The following COL25A1 variants were observed in gnomAD, a reference collection of about 807,000 sequenced individuals.
COL25A1 encodes the protein collagen alpha-1(XXV) chain.
COL25A1 carries 103 observed loss-of-function variants against 128.4 expected under a neutral mutation model. The ratio of observed to expected loss-of-function variants is 0.80; its 90% CI spans 0.68 to 0.94. The LOEUF is 0.94. Among genes scored for constraint, COL25A1 ranks in the 40% least tolerant of loss-of-function variants. The pLI is 0.00. For synonymous variants in COL25A1, 279 were observed against 277.2 expected, an observed-to-expected ratio of 1.01 and a Z score of -0.06; for missense variants, 745 against 840.0, an observed-to-expected ratio of 0.89 and a Z score of 1.40.
intron 3 of COL25A1, among the ~76,000 whole-genome samples, chr4:109,158,841 T>C (rs942740772): frequency 6.6e-6 from 1 of 152,246 alleles, no homozygotes; most frequent in Non-Finnish European, 1.5e-5. Context: ...AACACTTTCC[T>C]TGTAACACCT....
chr4:108,948,071 T>C (rs1748988270), intron 8 of COL25A1, among the ~76,000 whole-genome samples: 1 of 152,130 alleles, frequency 6.6e-6, no homozygotes, highest in African/African-American at 2.4e-5. Flanking sequence ...TCCTCAAAGT[T>C]GATAAAAATA....
intron 3 of COL25A1, among the ~76,000 whole-genome samples, chr4:109,106,328 C>T (rs184960424): frequency 1.3e-5 from 2 of 152,234 alleles, no homozygotes; most frequent in African/African-American, 4.8e-5. Context: ...AACTTTCCCA[C>T]CAACTACACT....
intron 3 of COL25A1, among the ~76,000 whole-genome samples, chr4:109,260,505 T>G (rs552726785): frequency 2.7e-5 from 4 of 150,504 alleles, no homozygotes; most frequent in East Asian, 3.9e-4. Context: ...TTTTTGTTTG[T>G]TTTTTTTTGA....
rs995545462 is a variant in COL25A1 at position 109,083,462 on chromosome 4, T to A, written c.368-33283A>T. Among the ~76,000 whole-genome samples the A allele has an allele frequency of 6.1e-4, 76 of 124,146 alleles. 2 individuals carry two copies. Among genetic ancestry groups the A allele is most frequent in the African/African-American group, 2.2e-3 (73 of 33,560 alleles). The allele number at this position is 124,146 out of a possible 152,430, so 81.4% of individuals were successfully genotyped here. ...ACACTAAATAAATTTTTTTTTTTTT[T>A]TTTTTTTTTTTTTTTTTTGAGACGG... is the stretch of plus-strand genomic sequence containing the variant. On this transcript the variant is annotated intron_variant, in intron 3 of 37. Coordinates refer to ENST00000399132, the MANE Select transcript of COL25A1 (RefSeq NM_198721.4).
Position 109,249,550 on chromosome 4 carries a change from A to T in COL25A1, c.367+51033T>A, listed in dbSNP as rs115713645. ...TTTTATGTGTCAGTATAATACAGTA[A>T]ATAATCATAATTCCACGTCAATAAG... On this transcript the variant is annotated intron_variant, in intron 3 of 37. Coordinates refer to ENST00000399132, the MANE Select transcript of COL25A1 (RefSeq NM_198721.4). Among the ~76,000 whole-genome samples the T allele has an allele frequency of 4.3e-3, 652 of 152,272 alleles. 3 individuals are homozygous for T. Among genetic ancestry groups the T allele is most frequent in the Non-Finnish European group, 6.1e-3 (415 of 68,018 alleles).
chr4:109,127,776 G>A (rs1310584520), intron 3 of COL25A1, among the ~76,000 whole-genome samples: 2 of 152,158 alleles, frequency 1.3e-5, no homozygotes, highest in Admixed American at 6.5e-5. Context: ...GTGAGACAAC[G>A]AACCTCGGGT....
chr4:108,869,052 A>AG, intron 20 of COL25A1, 36 bp downstream of exon 20: 1 of 1,377,046 alleles, frequency 7.3e-7, no homozygotes, highest in Non-Finnish European at 1.0e-6. Flanking sequence ...AAAGAAAGAA[A>AG]AAGAAAGAAA....
intron 6 of COL25A1, among the ~76,000 whole-genome samples, chr4:108,974,872 C>T (rs542582849): frequency 2.2e-4 from 33 of 152,174 alleles, no homozygotes; most frequent in Non-Finnish European, 3.5e-4. Flanking sequence ...AAGTTAGAAG[C>T]TCCTGTTGGG....
At chr4:108,920,473 A>T in intron 12 of COL25A1, 105 bp downstream of exon 12, 1 of 732,886 alleles carries the variant, frequency 1.4e-6, no homozygotes, top group Non-Finnish European at 2.2e-6. Context: ...AACCAGACTA[A>T]CTGCTTCAGC....
At chr4:109,177,053 G>A (rs1006221067) in intron 3 of COL25A1, among the ~76,000 whole-genome samples, 1 of 152,182 alleles carries the variant, frequency 6.6e-6, no homozygotes, top group African/African-American at 2.4e-5. Flanking sequence ...TAATATAGGT[G>A]GGGTACCTGA....
intron 3 of COL25A1, among the ~76,000 whole-genome samples, chr4:109,239,422 ATTTATTTATT>A (rs1245424850): frequency 1.5e-5 from 2 of 129,286 alleles, no homozygotes; most frequent in African/African-American, 5.6e-5. Flanking sequence ...ATATATATAT[ATTTATTTATT>A]TATTTATTTA....
chr4:109,227,342 T>C lies in COL25A1; in HGVS notation c.367+73241A>G, dbSNP rs548183808. Among the ~76,000 whole-genome samples, 11 of 152,332 alleles carry C rather than the reference T, an allele frequency of 7.2e-5. No homozygotes were observed. In the East Asian group the frequency reaches 9.6e-4, roughly 13 times the overall value. On this transcript the variant is annotated intron_variant, in intron 3 of 37. Coordinates refer to ENST00000399132, the MANE Select transcript of COL25A1 (RefSeq NM_198721.4). ...TCCAGTATTAAAAATGATGTGAAGATGAAATACATAGCATAATGAATTGTT... is the reference window on the plus strand; with the variant it reads ...TCCAGTATTAAAAATGATGTGAAGACGAAATACATAGCATAATGAATTGTT...
intron 3 of COL25A1, among the ~76,000 whole-genome samples, chr4:109,093,472 A>AAAAAAAAAAAAAAC (rs765991576): frequency 4.1e-5 from 6 of 145,538 alleles, no homozygotes; most frequent in East Asian, 2.0e-4. Flanking sequence ...AAAAAAAAAA[A>AAAAAAAAAAAAAAC]AAAACCTTTT....
intron 5 of COL25A1, among the ~76,000 whole-genome samples, chr4:109,047,351 G>A (rs1760519836): frequency 6.6e-6 from 1 of 152,192 alleles, no homozygotes; most frequent in Admixed American, 6.5e-5. Context: ...AATCCCACGA[G>A]GGTATTGGTG....
At chr4:109,241,825 A>G (rs1403201881) in intron 3 of COL25A1, among the ~76,000 whole-genome samples, 2 of 152,026 alleles carry the variant, frequency 1.3e-5, no homozygotes, top group Non-Finnish European at 2.9e-5. Flanking sequence ...AGTAACCCCA[A>G]TCTCACTCCC....
chr4:108,896,667 C>T lies in COL25A1; in HGVS notation c.906G>A (p.Lys302=), dbSNP rs932526675. The part of the protein sequence containing the change: ...ENGPKGDTGE[K]GDPGSSAAGI... The stretch of plus-strand genomic sequence containing the variant: ...CCTTTCATGTCTTACAAAACTGTAC[C>T]TTTTCGCCTGTGTCACCCTTGGGGC... The change falls in exon 16 of 38, where the codon AAG becomes AAA. Residue 302 remains lysine, a splice_region_variant and synonymous_variant. Transcript: ENST00000399132. 3 of 1,613,848 alleles carry T rather than the reference C, an allele frequency of 1.9e-6. No individual in the cohort carries two copies. The highest frequency in any genetic ancestry group is 2.5e-6 in the Non-Finnish European group (3 of 1,179,814).
At chr4:109,088,566 A>G (rs1203780535) in intron 3 of COL25A1, among the ~76,000 whole-genome samples, 1 of 152,200 alleles carries the variant, frequency 6.6e-6, no homozygotes, top group Non-Finnish European at 1.5e-5. Context: ...ACTTGCACCC[A>G]TGAAGCTTAA....
intron 24 of COL25A1, among the ~76,000 whole-genome samples, chr4:108,856,789 A>C (rs1401115653): frequency 6.6e-6 from 1 of 152,130 alleles, no homozygotes; most frequent in Admixed American, 6.6e-5. Context: ...TTCATATTGA[A>C]ATATAGGTGT....
chr4:108,883,836 T>C (rs1251714525), intron 19 of COL25A1, among the ~76,000 whole-genome samples: 2 of 152,116 alleles, frequency 1.3e-5, no homozygotes, highest in Non-Finnish European at 2.9e-5. Flanking sequence ...CTAATTCTGA[T>C]CAAAATCTGA....
Sources: gnomAD v4.1 joint callset for allele counts (sites outside exome capture counted in the v4.1 genomes callset) on GRCh38, gnomAD v4.1.1 for gene constraint, MANE v1.5 for transcripts, NCBI Gene and HGNC (gene_info 2026-07-23, HGNC 2026-07-21) for gene names.